Variants in KATNIP observed in about 807,000 individuals in gnomAD.
The protein encoded by KATNIP is katanin interacting protein.
A neutral mutation model predicts 174.0 loss-of-function variants in KATNIP; 126 were observed. The observed-to-expected ratio is 0.72, with a 90% CI of 0.63 to 0.84. KATNIP has a LOEUF of 0.84. Among genes scored for constraint, KATNIP ranks in the 40% least tolerant of loss-of-function variants. The pLI is 0.00. For missense variants in KATNIP, 1,958 were observed against 2,109.7 expected (o/e 0.93, Z 1.41); for synonymous variants, 810 against 835.7 (o/e 0.97, Z 0.53).
At chr16:27,676,570 T>C (rs1376392952) in intron 6 of KATNIP, among the ~76,000 whole-genome samples, 1 of 152,198 alleles carries the variant, frequency 6.6e-6, no homozygotes, top group Non-Finnish European at 1.5e-5. Flanking sequence ...GCTTTATTGA[T>C]TGCTTCCCAT....
intron 8 of KATNIP, among the ~76,000 whole-genome samples, chr16:27,683,029 A>G (rs904814920): frequency 2.0e-5 from 3 of 152,182 alleles, no homozygotes; most frequent in Admixed American, 6.5e-5. Flanking sequence ...TTCTATAACT[A>G]TAAGAAATAA....
rs779125558 is a variant in KATNIP, at chr16:27,701,651, G to A, written c.1242G>A (p.Arg414=). The part of the protein sequence containing the change: ...QEPAGAAGGA[R]AINQAMDRIG... ...CGGCCGGGGCAGCAGGAGGAGCCAG[G>A]GCCATCAACCAGGCCATGGACAGAA... Residue 414 remains arginine (R), a synonymous_variant, in exon 11 of 28, where the codon AGG becomes AGA. Coordinates refer to ENST00000261588, the MANE Select transcript of KATNIP (RefSeq NM_015202.5). The A allele has an allele frequency of 6.2e-7, 1 of 1,608,376 alleles. No individual in the cohort carries two copies. The highest frequency in any genetic ancestry group is 8.5e-7 in the Non-Finnish European group (1 of 1,177,872).
chr16:27,778,409 C>T (rs534208217), intron 27 of KATNIP, among the ~76,000 whole-genome samples, 165 bp from the exon 28 acceptor site: 1 of 152,294 alleles, frequency 6.6e-6, no homozygotes, highest in South Asian at 2.1e-4. Context: ...AGAGCCTGCT[C>T]CAGGCGGAGG....
rs573674368 is a variant in KATNIP, at chr16:27,763,793, C to G, written c.3809+2203C>G. Among the ~76,000 whole-genome samples the G allele has an allele frequency of 6.6e-5, 10 of 152,270 alleles. No individual in the cohort carries two copies. In the South Asian group the frequency reaches 1.2e-3, roughly 19 times the overall value. On this transcript the variant is annotated intron_variant, in intron 19 of 27. Coordinates refer to ENST00000261588, the MANE Select transcript of KATNIP (RefSeq NM_015202.5). ...ATTGGTTGCTATGTCTCTTAAGCCTCTCTAGGTTCTCTTTCCCCTTTTTCC... is the reference window on the plus strand; with the variant it reads ...ATTGGTTGCTATGTCTCTTAAGCCTGTCTAGGTTCTCTTTCCCCTTTTTCC...
chr16:27,567,513 T>C (rs1429423149), intron 1 of KATNIP, among the ~76,000 whole-genome samples: 1 of 151,754 alleles, frequency 6.6e-6, no homozygotes, highest in Non-Finnish European at 1.5e-5. Flanking sequence ...GTGTTTTTTT[T>C]CTGTTTGTTT....
intron 2 of KATNIP, among the ~76,000 whole-genome samples, chr16:27,598,484 A>C (rs1200714667): frequency 6.6e-6 from 1 of 152,104 alleles, no homozygotes; most frequent in Non-Finnish European, 1.5e-5. Context: ...AAGACTCAGG[A>C]GTTAAGGGCC....
intron 14 of KATNIP, among the ~76,000 whole-genome samples, chr16:27,723,516 A>C (rs549163658): frequency 6.6e-6 from 1 of 151,546 alleles, no homozygotes; most frequent in Non-Finnish European, 1.5e-5. Context: ...CCTCATGAAC[A>C]TGTTCCACCA....
intron 14 of KATNIP, chr16:27,727,335 T>A (rs779604878): frequency 7.0e-5 from 11 of 157,870 alleles, no homozygotes; most frequent in Non-Finnish European, 8.5e-5. Flanking sequence ...ACTCCAGGTG[T>A]GCACACCACA....
intron 6 of KATNIP, among the ~76,000 whole-genome samples, chr16:27,657,626 A>AT (rs1468192343): frequency 6.6e-6 from 1 of 152,038 alleles, no homozygotes; most frequent in Non-Finnish European, 1.5e-5. Flanking sequence ...CAAAAAAAAA[A>AT]CAAGGCCAGA....
intron 9 of KATNIP, among the ~76,000 whole-genome samples, chr16:27,698,715 C>T (rs866005321): frequency 2.0e-5 from 3 of 152,250 alleles, no homozygotes; most frequent in Non-Finnish European, 2.9e-5. Flanking sequence ...TTCACAAAGC[C>T]TAAGCTGGGT....
intron 11 of KATNIP, 85 bp from the exon 12 acceptor site, chr16:27,703,811 C>A (rs935593215): frequency 9.8e-7 from 1 of 1,016,552 alleles, no homozygotes; most frequent in South Asian, 1.3e-5. Context: ...ATTTCCTATC[C>A]CCGAGTGCAG....
chr16:27,747,786 C>A (rs900888595), intron 15 of KATNIP, among the ~76,000 whole-genome samples: 2 of 152,124 alleles, frequency 1.3e-5, no homozygotes, highest in East Asian at 3.9e-4. Flanking sequence ...TGGCAGAGCA[C>A]CTGAGCGAAA....
At chr16:27,766,660 G>A (rs1411596057) in intron 20 of KATNIP, among the ~76,000 whole-genome samples, 186 bp downstream of exon 20, 2 of 152,206 alleles carry the variant, frequency 1.3e-5, no homozygotes, top group African/African-American at 4.8e-5. Context: ...GCAGGCTAAA[G>A]AGCGCAGGGC....
intron 1 of KATNIP, among the ~76,000 whole-genome samples, chr16:27,565,744 A>T (rs2090061801): frequency 6.6e-6 from 1 of 151,646 alleles, no homozygotes; most frequent in South Asian, 2.1e-4. Context: ...TGATCACACC[A>T]CTGCACTCTA....
chr16:27,713,486 C>A (rs1386176502), intron 13 of KATNIP, among the ~76,000 whole-genome samples: 1 of 151,550 alleles, frequency 6.6e-6, no homozygotes, highest in East Asian at 1.9e-4. Flanking sequence ...CACCTATAAT[C>A]CCAGCACACT....
Position 27,775,084 on chromosome 16 carries a change from G to A in KATNIP, c.4449G>A (p.Leu1483=). ...HMWLAPILPG[L]VNRVYVIFDL... ...GGCTGGCTCCCATCCTGCCGGGCCT[G>A]GTGGGTTCCCGGCAGCGGCCACCGC... is the stretch of plus-strand genomic sequence containing the variant. Residue 1483 remains leucine (L), a splice_region_variant and synonymous_variant, in exon 24 of 28, where the codon CTG becomes CTA. Transcript: ENST00000261588. 6.2e-7 allele frequency: 1 copy of A among 1,611,152 alleles called. No individual in the cohort carries two copies. Among genetic ancestry groups the A allele is most frequent in the South Asian group, 1.1e-5 (1 of 90,930 alleles).
In KATNIP at chr16:27,779,589, GCTTT is replaced by G. The variant is rs2082621946; in HGVS notation, c.*963_*966del. ...CACGGCTGTGCTCACTGATGTGGCT[GCTTT>G]CTGTCTCTGCCCCTGTGCCCTTGGA... On this transcript the variant is annotated 3_prime_UTR_variant, in exon 28 of 28. Transcript: ENST00000261588. 1 of 152,364 alleles carries G rather than the reference GCTTT, an allele frequency of 6.6e-6. No homozygotes were observed. The highest frequency in any genetic ancestry group is 2.4e-5 in the African/African-American group (1 of 41,456). The allele number at this position is 152,364 out of a possible 1,614,324, so 9.4% of individuals were successfully genotyped here. A position where few individuals can be genotyped will look rare whatever the true frequency, so the allele number is the denominator to read the frequency against.
chr16:27,639,430 A>G (rs1224424968), intron 5 of KATNIP, among the ~76,000 whole-genome samples: 2 of 152,184 alleles, frequency 1.3e-5, no homozygotes, highest in Non-Finnish European at 2.9e-5. Flanking sequence ...TCAGCCTTGT[A>G]ATACTTGGGT....
intron 14 of KATNIP, among the ~76,000 whole-genome samples, chr16:27,723,735 G>A (rs930904071): frequency 1.3e-5 from 2 of 152,158 alleles, no homozygotes; most frequent in South Asian, 2.1e-4. Context: ...TGGCTTGCAC[G>A]AGACCACATG....
Sources: gnomAD v4.1 joint callset for allele counts (sites outside exome capture counted in the v4.1 genomes callset) on GRCh38, gnomAD v4.1.1 for gene constraint, MANE v1.5 for transcripts, NCBI Gene and HGNC (gene_info 2026-07-23, HGNC 2026-07-21) for gene names.